Variants in SCARB1 observed in about 807,000 individuals in gnomAD.
SCARB1 encodes the protein CD36 and LIMPII analogous 1.
Under a neutral mutation model 57.2 loss-of-function variants are expected in SCARB1, and 30 were observed. The observed-to-expected ratio is 0.52, with a 90% CI of 0.39 to 0.71. The LOEUF (loss-of-function observed/expected upper bound fraction) is 0.71, where lower values mean the gene tolerates loss of function less well. Ranked by LOEUF, SCARB1 falls within the 30% of genes least tolerant of loss-of-function variation. The pLI is 0.00. For missense variants in SCARB1, 543 were observed against 671.2 expected, an observed-to-expected ratio of 0.81 and a Z score of 2.11; for synonymous variants, 249 against 268.3, an observed-to-expected ratio of 0.93 and a Z score of 0.70.
chr12:124,838,049 G>A (rs933694267), intron 1 of SCARB1, among the ~76,000 whole-genome samples: 4 of 152,222 alleles, frequency 2.6e-5, no homozygotes, highest in Admixed American at 6.5e-5. Flanking sequence ...TTTCTGTGTC[G>A]TCAATGGCAG....
At chr12:124,795,313 C>T in intron 8 of SCARB1, 45 bp from the exon 9 acceptor site, 1 of 1,508,112 alleles carries the variant, frequency 6.6e-7, no homozygotes, top group Non-Finnish European at 9.2e-7. Flanking sequence ...CCCCAAGCTC[C>T]AGGGACACCG....
Position 124,811,520 on chromosome 12 carries a change from C to G in SCARB1, c.726+350G>C, listed in dbSNP as rs374434813. 1.8e-4 allele frequency among the ~76,000 whole-genome samples: 27 copies of G among 152,324 alleles called. No homozygotes were observed. In the South Asian group the frequency reaches 4.8e-3, roughly 27 times the overall value. On this transcript the variant is annotated intron_variant, in intron 5 of 12. Transcript: ENST00000261693. The stretch of plus-strand genomic sequence containing the variant: ...ACTCCTGACCTCAGGTGATCCCCCC[C>G]ACCTCGGCCTCCCAAAGTGCTGGGA...
intron 1 of SCARB1, 86 bp downstream of exon 1, chr12:124,863,509 C>T: frequency 6.9e-7 from 1 of 1,452,232 alleles, no homozygotes; most frequent in Non-Finnish European, 9.4e-7. Context: ...CGGTCGCCCA[C>T]CCACCGCAAC....
At chr12:124,834,236 G>A (rs921957890) in intron 1 of SCARB1, among the ~76,000 whole-genome samples, 13 of 152,352 alleles carry the variant, frequency 8.5e-5, no homozygotes, top group Admixed American at 7.2e-4. Flanking sequence ...CGGGACACAC[G>A]GGGGGACAGG....
chr12:124,817,539 C>T lies in SCARB1; in HGVS notation c.284+11G>A. 6.2e-7 allele frequency: 1 copy of T among 1,613,422 alleles called. No individual in the cohort carries two copies. Among genetic ancestry groups the T allele is most frequent in the South Asian group, 1.1e-5 (1 of 91,076 alleles). Reference sequence around the variant, plus strand: ...GCCGGCCCCTCCACCCTCACCTGGACACAGCCTCACCTGTACACGTAGGGC... The same window carrying T: ...GCCGGCCCCTCCACCCTCACCTGGATACAGCCTCACCTGTACACGTAGGGC... On this transcript the variant is annotated intron_variant, in intron 2 of 12. Coordinates refer to ENST00000261693, the MANE Select transcript of SCARB1 (RefSeq NM_005505.5). The surrounding 1 kb of genome is among the most constrained non-coding windows in gnomAD (Gnocchi z 4.8).
At chr12:124,824,089 G>A (rs1365065366) in intron 1 of SCARB1, among the ~76,000 whole-genome samples, 8 of 151,014 alleles carry the variant, frequency 5.3e-5, no homozygotes, top group East Asian at 1.9e-4. Context: ...CAGGAGAATC[G>A]CTTGAACCCG....
intron 1 of SCARB1, among the ~76,000 whole-genome samples, chr12:124,847,905 G>A (rs1169188552): frequency 6.6e-6 from 1 of 152,192 alleles, no homozygotes; most frequent in East Asian, 1.9e-4. Context: ...GCACTCCTGA[G>A]AAAGCAATCA....
At chr12:124,779,465 G>A (rs1433679032) in intron 12 of SCARB1, among the ~76,000 whole-genome samples, 5 of 152,068 alleles carry the variant, frequency 3.3e-5, no homozygotes, top group South Asian at 4.1e-4. Flanking sequence ...CAGGGTATGC[G>A]GGGCGCAGGA....
chr12:124,826,331 A>AG (rs1491139129), intron 1 of SCARB1, among the ~76,000 whole-genome samples: 103 of 76,288 alleles, frequency 1.4e-3, no homozygotes, highest in African/African-American at 9.8e-3. Context: ...ACCCTGTCTC[A>AG]AAAAAAAAAA....
chr12:124,836,603 C>T (rs868453763), intron 1 of SCARB1, among the ~76,000 whole-genome samples: 14 of 151,916 alleles, frequency 9.2e-5, no homozygotes, highest in African/African-American at 2.7e-4. Context: ...GACCAGCCTG[C>T]GCAACACAGT....
At chr12:124,838,030 C>T (rs1408021542) in intron 1 of SCARB1, among the ~76,000 whole-genome samples, 1 of 152,270 alleles carries the variant, frequency 6.6e-6, no homozygotes, top group African/African-American at 2.4e-5. Context: ...CAGCGGCCAC[C>T]TCGACTTATT....
intron 1 of SCARB1, among the ~76,000 whole-genome samples, chr12:124,831,762 T>C (rs1951402170): frequency 6.6e-6 from 1 of 152,214 alleles, no homozygotes; most frequent in East Asian, 1.9e-4. Flanking sequence ...ATAGGACCCA[T>C]GCAGCAGGGA....
At chr12:124,794,400 CTTTTTTT>C (rs3043265) in intron 9 of SCARB1, among the ~76,000 whole-genome samples, 5 of 119,912 alleles carry the variant, frequency 4.2e-5, no homozygotes, top group East Asian at 5.3e-4. Context: ...TTGAAAAATT[CTTTTTTT>C]TTTTTTTTTT....
intron 1 of SCARB1, among the ~76,000 whole-genome samples, chr12:124,837,866 C>T (rs1178365786): frequency 6.6e-6 from 1 of 152,094 alleles, no homozygotes; most frequent in South Asian, 2.1e-4. Context: ...GGTGCCCCTG[C>T]CCCCCAGCCT....
In SCARB1 at chr12:124,847,448, C is replaced by T. The variant is rs553261281; in HGVS notation, c.126+16147G>A. Among the ~76,000 whole-genome samples the T allele has an allele frequency of 2.6e-5, 4 of 152,338 alleles. No individual in the cohort carries two copies. In the East Asian group the frequency reaches 5.8e-4, roughly 22 times the overall value. On this transcript the variant is annotated intron_variant, in intron 1 of 12. Coordinates refer to ENST00000261693, the MANE Select transcript of SCARB1 (RefSeq NM_005505.5). ...CCTGGGCATCTGGGCTAGTGGCTGC[C>T]GGGAGGCCCAGTTAGGGAGAGGCAA...
intron 1 of SCARB1, among the ~76,000 whole-genome samples, chr12:124,819,690 C>T (rs1484559792): frequency 6.6e-6 from 1 of 152,234 alleles, no homozygotes; most frequent in Admixed American, 6.5e-5. Context: ...CACCTTCCAC[C>T]CTCTTTTGAA....
chr12:124,786,970 G>T (rs1015563390), intron 10 of SCARB1, among the ~76,000 whole-genome samples: 5 of 152,144 alleles, frequency 3.3e-5, no homozygotes, highest in African/African-American at 4.8e-5. Flanking sequence ...AACGAGGTGG[G>T]CAAGAAACAA....
chr12:124,831,156 T>C (rs1951373384), intron 1 of SCARB1, among the ~76,000 whole-genome samples: 1 of 152,124 alleles, frequency 6.6e-6, no homozygotes, highest in Non-Finnish European at 1.5e-5. Flanking sequence ...TTGTATTTTT[T>C]TAAGTAGAGA....
chr12:124,848,169 C>T (rs190414988), intron 1 of SCARB1, among the ~76,000 whole-genome samples: 3 of 152,268 alleles, frequency 2.0e-5, no homozygotes, highest in Non-Finnish European at 2.9e-5. Context: ...CTGCAACCTC[C>T]GCCTCCTGGG....
Sources: gnomAD v4.1 joint callset for allele counts (sites outside exome capture counted in the v4.1 genomes callset) on GRCh38, gnomAD v4.1.1 for gene constraint, Gnocchi (gnomAD v3.1) non-coding constraint, MANE v1.5 for transcripts, NCBI Gene and HGNC (gene_info 2026-07-23, HGNC 2026-07-21) for gene names.